Variants in TBC1D22A observed in about 807,000 individuals in gnomAD.
TBC1D22A encodes the protein TBC1 domain family member 22A, also known as putative GTPase activator.
A neutral mutation model predicts 60.2 loss-of-function variants in TBC1D22A; 38 were observed. That is an observed-to-expected ratio of 0.63 (90% CI 0.49 to 0.83). TBC1D22A has a LOEUF of 0.83. TBC1D22A is among the 40% of genes least tolerant of loss of function. The probability of loss-of-function intolerance (pLI) is 0.00; values close to 1 mark genes in which losing one functional copy is unlikely to be tolerated. For missense variants in TBC1D22A, 628 were observed against 701.0 expected (o/e 0.90, Z 1.18); for synonymous variants, 302 against 281.7 (o/e 1.07, Z -0.72).
At chr22:46,790,346 T>C (rs2084353907) in intron 1 of TBC1D22A, among the ~76,000 whole-genome samples, 2 of 152,262 alleles carry the variant, frequency 1.3e-5, no homozygotes, top group Admixed American at 1.3e-4. Flanking sequence ...TACTCATGAT[T>C]AGATTGTGCC....
intron 5 of TBC1D22A, among the ~76,000 whole-genome samples, chr22:46,890,319 C>G (rs1050495226): frequency 1.3e-5 from 2 of 152,070 alleles, no homozygotes; most frequent in Non-Finnish European, 2.9e-5. Flanking sequence ...GCCTGGGCGA[C>G]AGAGTGAGAC....
At chr22:46,792,896 T>G (rs1386249804) in intron 2 of TBC1D22A, 4 of 1,409,726 alleles carry the variant, frequency 2.8e-6, no homozygotes, top group South Asian at 3.1e-5. Context: ...TCCTTTCCCC[T>G]CCTCCTTCCC....
At chr22:46,898,056 G>A (rs1269072491) in intron 7 of TBC1D22A, among the ~76,000 whole-genome samples, 1 of 152,192 alleles carries the variant, frequency 6.6e-6, no homozygotes, top group Non-Finnish European at 1.5e-5. Flanking sequence ...CCTGGAAAAT[G>A]AGATAATTTG....
chr22:46,773,939 C>G (rs1260794265), intron 1 of TBC1D22A: 1 of 985,382 alleles, frequency 1.0e-6, no homozygotes, highest in East Asian at 1.1e-4. Context: ...AAGTCTGTGC[C>G]CTTACCCATC....
chr22:46,815,996 A>G (rs2085581489), intron 4 of TBC1D22A, among the ~76,000 whole-genome samples: 1 of 152,162 alleles, frequency 6.6e-6, no homozygotes, highest in African/African-American at 2.4e-5. Flanking sequence ...CTGGGGAACG[A>G]GAAGCAGATT....
intron 8 of TBC1D22A, among the ~76,000 whole-genome samples, chr22:46,956,630 A>G (rs1039966070): frequency 1.3e-5 from 2 of 152,042 alleles, no homozygotes; most frequent in Non-Finnish European, 2.9e-5. Flanking sequence ...TGCCCTGTCA[A>G]GCCCGAAAGT....
intron 4 of TBC1D22A, among the ~76,000 whole-genome samples, chr22:46,843,314 A>T (rs136654): frequency 6.6e-6 from 1 of 151,924 alleles, no homozygotes; most frequent in Non-Finnish European, 1.5e-5. Flanking sequence ...TGTTGTTGTC[A>T]TTGATTTTTA....
At chr22:46,933,432 A>G (rs1465317207) in intron 8 of TBC1D22A, among the ~76,000 whole-genome samples, 1 of 152,152 alleles carries the variant, frequency 6.6e-6, no homozygotes, top group Non-Finnish European at 1.5e-5. Flanking sequence ...GAAGCCATGG[A>G]GATGAATTGA....
At chr22:46,905,916 G>A (rs1191547654) in intron 7 of TBC1D22A, among the ~76,000 whole-genome samples, 1 of 152,222 alleles carries the variant, frequency 6.6e-6, no homozygotes, top group East Asian at 1.9e-4. Context: ...GTCTAGACAA[G>A]GCTGATCTGT....
At chr22:47,171,675 GC>G (rs1275520526) in intron 12 of TBC1D22A, among the ~76,000 whole-genome samples, 4 of 152,178 alleles carry the variant, frequency 2.6e-5, no homozygotes, top group Non-Finnish European at 4.4e-5. Context: ...GACCTGCCCT[GC>G]CCTTGGTGGG....
chr22:47,034,944 C>T (rs1364553329), intron 10 of TBC1D22A, among the ~76,000 whole-genome samples: 1 of 152,166 alleles, frequency 6.6e-6, no homozygotes, highest in African/African-American at 2.4e-5. Context: ...ATGCGTCAGG[C>T]TCCCTGAGTC....
At chr22:46,951,920 A>G (rs1188310752) in intron 8 of TBC1D22A, among the ~76,000 whole-genome samples, 1 of 152,222 alleles carries the variant, frequency 6.6e-6, no homozygotes, top group African/African-American at 2.4e-5. Context: ...GTCTCCTTTC[A>G]TCTTGCAGGA....
intron 11 of TBC1D22A, among the ~76,000 whole-genome samples, chr22:47,046,113 GTGTGGTCTACC>G (rs1226060914): frequency 6.6e-6 from 1 of 152,194 alleles, no homozygotes; most frequent in African/African-American, 2.4e-5. Context: ...GTGATGTGAG[GTGTGGTCTACC>G]TGTGGGTGTC....
intron 9 of TBC1D22A, among the ~76,000 whole-genome samples, chr22:46,986,596 T>G (rs1271024164): frequency 6.6e-6 from 1 of 152,254 alleles, no homozygotes; most frequent in Non-Finnish European, 1.5e-5. Context: ...GCTCATACTT[T>G]GTCAAATTTG....
intron 4 of TBC1D22A, among the ~76,000 whole-genome samples, chr22:46,869,204 C>T (rs74805739): frequency 0.08 from 12,181 of 152,234 alleles, 666 homozygotes; most frequent in Non-Finnish European, 0.12. Context: ...TAAATCTGTG[C>T]TTTGCTTAGT....
chr22:46,801,240 G>A (rs908538300), intron 4 of TBC1D22A, among the ~76,000 whole-genome samples: 6 of 152,104 alleles, frequency 3.9e-5, no homozygotes, highest in Admixed American at 3.3e-4. Context: ...AGAAAACATC[G>A]CCAGTAAATT....
At chr22:47,117,175 A>C (rs946053293) in intron 12 of TBC1D22A, 2 of 154,082 alleles carry the variant, frequency 1.3e-5, no homozygotes, top group African/African-American at 4.8e-5. Context: ...GGCAGCTAGA[A>C]TATAAGCAGC....
At chr22:46,966,611 T>A (rs1213226867) in intron 8 of TBC1D22A, among the ~76,000 whole-genome samples, 2 of 152,246 alleles carry the variant, frequency 1.3e-5, no homozygotes, top group Non-Finnish European at 2.9e-5. Flanking sequence ...GAGATTGGAA[T>A]TTTTGCTTTT....
At chr22:47,118,473 A>G (rs762517872) in intron 12 of TBC1D22A, among the ~76,000 whole-genome samples, 1 of 152,244 alleles carries the variant, frequency 6.6e-6, no homozygotes, top group Non-Finnish European at 1.5e-5. Context: ...AGCACAAGGA[A>G]TGTGCCAGTG....
Sources: allele counts gnomAD v4.1 joint callset (sites outside exome capture counted in the v4.1 genomes callset), GRCh38; gene constraint gnomAD v4.1.1; transcripts MANE v1.5; gene names NCBI Gene and HGNC (gene_info 2026-07-23, HGNC 2026-07-21).